COQ8A: variants seen among roughly 807,000 people sequenced by gnomAD.
COQ8A encodes the protein atypical kinase COQ8A, mitochondrial.
COQ8A carries 51 observed loss-of-function variants against 65.0 expected under a neutral mutation model. The observed-to-expected ratio is 0.78, with a 90% CI of 0.63 to 0.99. COQ8A has a LOEUF of 0.99. Ranked by LOEUF, COQ8A falls within the 50% of genes least tolerant of loss-of-function variation. COQ8A has a pLI of 0.00. For missense variants in COQ8A, 940 were observed against 875.0 expected, an observed-to-expected ratio of 1.07 and a Z score of -0.94; for synonymous variants, 371 against 353.2, an observed-to-expected ratio of 1.05 and a Z score of -0.57.
chr1:226,965,593 TG>T (rs1025763613), intron 3 of COQ8A, 77 bp from the exon 4 acceptor site: 2 of 1,553,386 alleles, frequency 1.3e-6, no homozygotes, highest in African/African-American at 2.7e-5. Flanking sequence ...AGAGGAGATG[TG>T]GGGGCAACAG....
At position 226,964,959 on chromosome 1, in the gene COQ8A, C is replaced by T. The variant is rs776791238; in HGVS notation, c.178-41C>T. ...GGGACAGGCAGGGAGGAGCTCCTGG[C>T]TCGCTCTTGCTCTCCTAATGCTGGC... On this transcript the variant is annotated intron_variant, in intron 2 of 14. Transcript: ENST00000366777. The T allele has an allele frequency of 3.1e-6, 5 of 1,610,252 alleles. No homozygotes were observed. The South Asian group carries it at 5.5e-5, about 18-fold the overall frequency.
intron 1 of COQ8A, among the ~76,000 whole-genome samples, chr1:226,960,969 C>G (rs545493150): frequency 1.5e-4 from 23 of 152,120 alleles, no homozygotes; most frequent in Non-Finnish European, 3.1e-4. Flanking sequence ...TTGGATGCTC[C>G]TCTCCCAACA....
At chr1:226,975,726 C>T (rs954077526) in intron 4 of COQ8A, among the ~76,000 whole-genome samples, 3 of 152,134 alleles carry the variant, frequency 2.0e-5, no homozygotes, top group Non-Finnish European at 4.4e-5. Flanking sequence ...CCTGGCCCGG[C>T]GAGTGCTCTA....
chr1:226,959,517 G>A (rs904434891), intron 1 of COQ8A, among the ~76,000 whole-genome samples: 2 of 152,278 alleles, frequency 1.3e-5, no homozygotes, highest in South Asian at 2.1e-4. Context: ...GTAGGTCAGC[G>A]ATATTTGTCA....
chr1:226,984,408 T>C, intron 11 of COQ8A, 140 bp from the exon 12 acceptor site: 2 of 1,280,008 alleles, frequency 1.6e-6, no homozygotes, highest in Admixed American at 3.8e-5. Context: ...CTGCCTTCCC[T>C]GGCCCAAGTA....
Position 226,982,058 on chromosome 1 carries a change from C to G in COQ8A, c.762C>G (p.Phe254Leu). 6.2e-7 allele frequency: 1 copy of G among 1,612,934 alleles called. No homozygotes were observed. The highest frequency in any genetic ancestry group is 2.2e-5 in the East Asian group (1 of 44,874). The change falls in exon 6 of 15, where the codon TTC becomes TTG. Residue 254 changes from phenylalanine (F) to leucine (L), a missense_variant. Coordinates refer to ENST00000366777, the MANE Select transcript of COQ8A (RefSeq NM_020247.5). ...GKKAVLGSSP[F>L]LSEANAERIV... ...AGGCCGTGCTGGGTTCCAGTCCTTT[C>G]CTGTCCGAGGCCAATGCAGAGCGGA...
chr1:226,962,708 C>T (rs775526555), intron 2 of COQ8A, among the ~76,000 whole-genome samples: 6 of 152,194 alleles, frequency 3.9e-5, no homozygotes, highest in Non-Finnish European at 7.3e-5. Context: ...TTCCCTGCCG[C>T]TCTGGGAGGA....
intron 1 of COQ8A, among the ~76,000 whole-genome samples, chr1:226,941,207 TC>T (rs1367316711): frequency 6.6e-6 from 1 of 152,184 alleles, no homozygotes; most frequent in Non-Finnish European, 1.5e-5. Context: ...TGTGCAGTCT[TC>T]CAGCCTGAGT....
intron 1 of COQ8A, among the ~76,000 whole-genome samples, chr1:226,942,638 G>A (rs1430486493): frequency 1.3e-5 from 2 of 152,210 alleles, no homozygotes; most frequent in Non-Finnish European, 2.9e-5. Context: ...TGTGATGTGG[G>A]AGGGGCTGGG....
At chr1:226,942,833 C>T (rs1656785172) in intron 1 of COQ8A, among the ~76,000 whole-genome samples, 1 of 152,186 alleles carries the variant, frequency 6.6e-6, no homozygotes, top group African/African-American at 2.4e-5. Flanking sequence ...ACCAAAGAGA[C>T]ATATTTACGT....
chr1:226,982,628 C>G, intron 6 of COQ8A, 50 bp from the exon 7 acceptor site: 1 of 1,592,526 alleles, frequency 6.3e-7, no homozygotes. Context: ...AGGTCCTGGG[C>G]GCACACTTTA....
chr1:226,977,389 G>A, intron 4 of COQ8A, 60 bp from the exon 5 acceptor site: 2 of 1,510,650 alleles, frequency 1.3e-6, no homozygotes, highest in Middle Eastern at 4.0e-4. Context: ...CTTGTGGGTG[G>A]GCGAGCGGGT....
At chr1:226,983,250 C>CT in intron 8 of COQ8A, 1 of 784,438 alleles carries the variant, frequency 1.3e-6, no homozygotes. Context: ...GAGGGGCCCC[C>CT]AGCAAGCTTG....
intron 13 of COQ8A, 81 bp from the exon 14 acceptor site, chr1:226,985,172 CG>C (rs1660009589): frequency 1.4e-6 from 2 of 1,433,432 alleles, no homozygotes; most frequent in Non-Finnish European, 1.9e-6. Context: ...GGGGTGGGCT[CG>C]GGTGTGGCAC....
At chr1:226,963,085 G>A (rs1441438952) in intron 2 of COQ8A, among the ~76,000 whole-genome samples, 1 of 152,172 alleles carries the variant, frequency 6.6e-6, no homozygotes, top group African/African-American at 2.4e-5. Context: ...GCCTGGACAG[G>A]CCTTAGCCCT....
chr1:226,984,265 C>G, intron 11 of COQ8A, 30 bp downstream of exon 11: 1 of 1,612,286 alleles, frequency 6.2e-7, no homozygotes, highest in East Asian at 2.2e-5. Flanking sequence ...CAGGTGGGGC[C>G]AGGGTGGCCC....
intron 1 of COQ8A, among the ~76,000 whole-genome samples, chr1:226,943,319 G>A (rs1290086665): frequency 1.3e-5 from 2 of 152,230 alleles, no homozygotes; most frequent in Non-Finnish European, 2.9e-5. Flanking sequence ...TTTGACAGTG[G>A]CATCTGGAGA....
chr1:226,976,639 G>A (rs186357151), intron 4 of COQ8A, among the ~76,000 whole-genome samples: 23 of 152,342 alleles, frequency 1.5e-4, no homozygotes, highest in Admixed American at 1.2e-3. Context: ...CCTGGGTGAG[G>A]TGTGGCATTA....
chr1:226,961,462 A>G lies in COQ8A; in HGVS notation c.77A>G (p.His26Arg). 1 of 1,613,812 alleles carries G rather than the reference A, an allele frequency of 6.2e-7. No individual in the cohort carries two copies. Among genetic ancestry groups the G allele is most frequent in the Non-Finnish European group, 8.5e-7 (1 of 1,180,028 alleles). ...VKLTQAAVETHLQHLGIGGEL... is the reference protein window; with the variant it reads ...VKLTQAAVETRLQHLGIGGEL... ...CTGACCCAGGCGGCCGTGGAAACCC[A>G]CCTGCAGCACTTGGGCATCGGAGGG... The change falls in exon 2 of 15, where the codon CAC becomes CGC. Residue 26 changes from histidine (H) to arginine (R), a missense_variant. His to Arg is a conservative substitution (Grantham distance 29). Coordinates refer to ENST00000366777, the MANE Select transcript of COQ8A (RefSeq NM_020247.5).
Sources: gnomAD v4.1 joint callset for allele counts (sites outside exome capture counted in the v4.1 genomes callset) on GRCh38, gnomAD v4.1.1 for gene constraint, MANE v1.5 for transcripts, NCBI Gene and HGNC (gene_info 2026-07-23, HGNC 2026-07-21) for gene names.